PPTC7: variants seen among roughly 807,000 people sequenced by gnomAD.
PPTC7 encodes the protein protein phosphatase PTC7 homolog.
PPTC7 carries 6 observed loss-of-function variants against 30.8 expected under a neutral mutation model. That is an observed-to-expected ratio of 0.19 (90% CI 0.11 to 0.38). PPTC7 has a LOEUF of 0.38. Among genes scored for constraint, PPTC7 ranks in the 10% least tolerant of loss-of-function variants. The pLI is 1.00. For synonymous variants in PPTC7, 163 were observed against 168.1 expected (o/e 0.97, Z 0.23); for missense variants, 218 against 404.8 (o/e 0.54, Z 3.96).
intron 5 of PPTC7, among the ~76,000 whole-genome samples, chr12:110,537,787 G>A (rs2064230140): frequency 6.6e-6 from 1 of 152,204 alleles, no homozygotes; most frequent in South Asian, 2.1e-4. Flanking sequence ...AGGGAGAAGC[G>A]AAATGTCAGA....
intron 1 of PPTC7, among the ~76,000 whole-genome samples, chr12:110,565,111 G>T (rs1398801704): frequency 6.6e-6 from 1 of 150,850 alleles, no homozygotes; most frequent in Non-Finnish European, 1.5e-5. Context: ...TCTGACCTGA[G>T]GTGATCCACC....
chr12:110,571,087 C>T (rs1475142787), intron 1 of PPTC7, among the ~76,000 whole-genome samples: 5 of 152,192 alleles, frequency 3.3e-5, no homozygotes, highest in African/African-American at 1.2e-4. Flanking sequence ...CGAGAGATCC[C>T]GAGGACGTCT....
intron 1 of PPTC7, among the ~76,000 whole-genome samples, chr12:110,554,246 T>G (rs954652555): frequency 3.3e-5 from 5 of 152,184 alleles, no homozygotes; most frequent in Admixed American, 6.5e-5. Context: ...CAATCACAGC[T>G]CATTGCAGTC....
intron 5 of PPTC7, 69 bp downstream of exon 5, chr12:110,538,075 C>A: frequency 1.9e-6 from 3 of 1,550,298 alleles, no homozygotes; most frequent in South Asian, 1.2e-5. Flanking sequence ...CACCCAGAGC[C>A]CAGAATGCTC....
At chr12:110,539,263 A>G (rs1316757321) in intron 4 of PPTC7, among the ~76,000 whole-genome samples, 3 of 152,252 alleles carry the variant, frequency 2.0e-5, no homozygotes, top group Non-Finnish European at 4.4e-5. Context: ...AATAAAAAAA[A>G]GAAAGAAACG....
rs76147916 is a variant in PPTC7 at position 110,560,055 on chromosome 12, T to C, written c.224-8087A>G. On this transcript the variant is annotated intron_variant, in intron 1 of 5. Coordinates refer to ENST00000354300, the MANE Select transcript of PPTC7 (RefSeq NM_139283.2). ...GAAGAAAATTCTTAAGCAATTTTCA[T>C]TTTTCTAATTAACATGTTTTTGTCT... Among the ~76,000 whole-genome samples, 259 of 152,264 alleles carry C rather than the reference T, an allele frequency of 1.7e-3. 6 individuals carry two copies. The East Asian group carries it at 0.044, about 26-fold the overall frequency.
intron 2 of PPTC7, chr12:110,546,366 T>A: frequency 2.5e-6 from 1 of 398,516 alleles, no homozygotes; most frequent in Non-Finnish European, 4.6e-6. Context: ...GACTGGTATT[T>A]AATCACACTA....
intron 1 of PPTC7, among the ~76,000 whole-genome samples, chr12:110,568,534 G>A (rs1347585823): frequency 6.6e-6 from 1 of 152,082 alleles, no homozygotes; most frequent in Non-Finnish European, 1.5e-5. Context: ...TTACAGGCGT[G>A]AGCCACCACG....
chr12:110,567,333 T>A (rs1337463902), intron 1 of PPTC7, among the ~76,000 whole-genome samples: 1 of 152,206 alleles, frequency 6.6e-6, no homozygotes, highest in African/African-American at 2.4e-5. Context: ...TGAGAATCAA[T>A]GGTCCAGCTG....
intron 3 of PPTC7, among the ~76,000 whole-genome samples, chr12:110,542,222 T>C (rs189838531): frequency 2.0e-5 from 3 of 151,256 alleles, no homozygotes; most frequent in East Asian, 3.9e-4. Flanking sequence ...ACTCTCCAAA[T>C]TGGGGGAAAA....
chr12:110,571,054 C>T (rs1056749952), intron 1 of PPTC7, among the ~76,000 whole-genome samples: 117 of 152,380 alleles, frequency 7.7e-4, no homozygotes, highest in African/African-American at 2.5e-3. Context: ...TACGCTCGAG[C>T]GTGGTCATTG....
chr12:110,582,867 G>A lies in PPTC7; in HGVS notation c.165C>T (p.Gly55=), dbSNP rs991743814. The A allele has an allele frequency of 1.3e-6, 2 of 1,558,946 alleles. No homozygotes were observed. Among genetic ancestry groups the A allele is most frequent in the South Asian group, 2.4e-5 (2 of 85,018 alleles). The change falls in exon 1 of 6, where the codon GGC becomes GGT. Residue 55 remains glycine (G), a synonymous_variant. Coordinates refer to ENST00000354300, the MANE Select transcript of PPTC7 (RefSeq NM_139283.2). ...AGCACGCGTCGTCCCCGTAGCACGC[G>A]CCCTTCTTGAGGAGGCCCTTACGGA... The part of the protein sequence containing the change: ...KDFRKGLLKK[G]ACYGDDACFV...
chr12:110,550,223 ATT>A (rs796973487), intron 2 of PPTC7, among the ~76,000 whole-genome samples: 16 of 103,014 alleles, frequency 1.6e-4, no homozygotes, highest in East Asian at 5.7e-4. Context: ...ACAGGGGCTG[ATT>A]TTTTTTTTTT....
rs2064224494 is a variant in PPTC7 at position 110,537,159 on chromosome 12, T to C, written c.857-64A>G. 2.3e-5 allele frequency: 30 copies of C among 1,294,746 alleles called. No homozygotes were observed. The South Asian group carries it at 3.6e-4, about 16-fold the overall frequency. 80.2% of individuals were successfully genotyped at this position (1,294,746 alleles called of 1,614,324 possible). A position where few individuals can be genotyped will look rare whatever the true frequency, so the allele number is the denominator to read the frequency against. On this transcript the variant is annotated intron_variant, in intron 5 of 5. Coordinates refer to ENST00000354300, the MANE Select transcript of PPTC7 (RefSeq NM_139283.2). ...GGAAAAGTCAATAAAAAATGTGTAC[T>C]TAAATTAAGTACTAGGAGACAAATG...
At chr12:110,555,785 T>C (rs907177152) in intron 1 of PPTC7, among the ~76,000 whole-genome samples, 3 of 152,234 alleles carry the variant, frequency 2.0e-5, no homozygotes, top group South Asian at 2.1e-4. Context: ...GGGAAACTTA[T>C]ATTAAAAGAA....
chr12:110,544,871 G>A (rs1052911865), intron 3 of PPTC7, among the ~76,000 whole-genome samples: 4 of 152,080 alleles, frequency 2.6e-5, no homozygotes, highest in Admixed American at 6.6e-5. Context: ...ATCTTGGAAC[G>A]TTCTTGACAA....
At chr12:110,556,108 C>T (rs1485596234) in intron 1 of PPTC7, among the ~76,000 whole-genome samples, 1 of 152,232 alleles carries the variant, frequency 6.6e-6, no homozygotes, top group Non-Finnish European at 1.5e-5. Flanking sequence ...TCCTCGCACT[C>T]ACTAAATAAT....
chr12:110,571,532 G>A (rs148200363), intron 1 of PPTC7, among the ~76,000 whole-genome samples: 1 of 152,250 alleles, frequency 6.6e-6, no homozygotes, highest in Non-Finnish European at 1.5e-5. Context: ...GTAGGGGTGG[G>A]TTGCCCCTAC....
rs1448078789 is a variant in PPTC7, at chr12:110,534,842, T to C, written c.*2195A>G. The C allele has an allele frequency of 6.6e-6, 1 of 152,594 alleles. No homozygotes were observed. The highest frequency in any genetic ancestry group is 2.4e-5 in the African/African-American group (1 of 41,436). The allele number at this position is 152,594 out of a possible 1,614,324, so 9.5% of individuals were successfully genotyped here. A position where few individuals can be genotyped will look rare whatever the true frequency, so the allele number is the denominator to read the frequency against. Reference sequence around the variant, plus strand: ...CACCAATCTAGCTTTACAAAGATTGTGTTTGACGGGTTAAATGAGAGCAGA... The same window carrying C: ...CACCAATCTAGCTTTACAAAGATTGCGTTTGACGGGTTAAATGAGAGCAGA... On this transcript the variant is annotated 3_prime_UTR_variant, in exon 6 of 6. Transcript: ENST00000354300.
Sources: allele counts gnomAD v4.1 joint callset (sites outside exome capture counted in the v4.1 genomes callset), GRCh38; gene constraint gnomAD v4.1.1; transcripts MANE v1.5; gene names NCBI Gene and HGNC (gene_info 2026-07-23, HGNC 2026-07-21).